ALYREF: variants seen among roughly 807,000 people sequenced by gnomAD.
The protein encoded by ALYREF is Aly/REF export factor, also known as THO complex subunit 4.
ALYREF carries 1 observed loss-of-function variant against 25.2 expected under a neutral mutation model. The ratio of observed to expected loss-of-function variants is 0.04; its 90% CI spans 0.01 to 0.19. The LOEUF (loss-of-function observed/expected upper bound fraction) is 0.19. Among genes scored for constraint, ALYREF ranks in the 10% least tolerant of loss-of-function variants. The probability of loss-of-function intolerance (pLI) is 1.00; values close to 1 mark genes in which losing one functional copy is unlikely to be tolerated. For synonymous variants in ALYREF, 193 were observed against 153.5 expected (o/e 1.26, Z -1.90); for missense variants, 328 against 375.6 (o/e 0.87, Z 1.05).
Position 81,891,535 on chromosome 17 carries a change from G to A in ALYREF, c.46C>T (p.Leu16=), listed in dbSNP as rs1419634192. The A allele has an allele frequency of 1.1e-5, 16 of 1,435,270 alleles. No homozygotes were observed. The Admixed American group carries it at 3.7e-4, about 33-fold the overall frequency. 88.9% of individuals were successfully genotyped at this position (1,435,270 alleles called of 1,614,324 possible). A position where few individuals can be genotyped will look rare whatever the true frequency, so the allele number is the denominator to read the frequency against. Residue 16 remains leucine (L), a synonymous_variant, in exon 1 of 6, where the codon CTG becomes TTG. Transcript: ENST00000505490. ...CGGTTCAGTTTAATGATGTCGTCCA[G>A]AGACATGTCCATTTTGTCGGCCATG... is the stretch of plus-strand genomic sequence containing the variant. ...PAMADKMDMS[L]DDIIKLNRSQ... is the part of the protein sequence containing the mutation.
intron 2 of ALYREF, 32 bp from the exon 3 acceptor site, chr17:81,889,361 G>T: frequency 6.2e-7 from 1 of 1,607,478 alleles, no homozygotes; most frequent in Non-Finnish European, 8.5e-7. Context: ...TGTCAGAAAA[G>T]CAACAAAACT....
chr17:81,889,408 G>A (rs2039472688), intron 2 of ALYREF, 79 bp from the exon 3 acceptor site: 1 of 1,532,240 alleles, frequency 6.5e-7, no homozygotes. Context: ...GGCCCTGGAA[G>A]CGTGAGTTGC....
Position 81,888,083 on chromosome 17 carries a change from A to T in ALYREF, c.*48T>A, listed in dbSNP as rs749034093. On this transcript the variant is annotated 3_prime_UTR_variant, in exon 6 of 6. Transcript: ENST00000505490. The surrounding 1 kb of genome is among the most constrained non-coding windows in gnomAD (Gnocchi z 5.8). Reference sequence around the variant, plus strand: ...AGCCACCGCCCCCCAACCAGGGAGCAAGAGGAGACGCCTGGGTCCTGTTCC... The same window carrying T: ...AGCCACCGCCCCCCAACCAGGGAGCTAGAGGAGACGCCTGGGTCCTGTTCC... The T allele has an allele frequency of 8.1e-6, 13 of 1,613,074 alleles. No individual in the cohort carries two copies. The highest frequency in any genetic ancestry group is 1.8e-4 in the Middle Eastern group (1 of 5,474).
rs376514143 is a variant in ALYREF at position 81,888,610 on chromosome 17, G to C, written c.539-27C>G. On this transcript the variant is annotated intron_variant, in intron 3 of 5. Transcript: ENST00000505490. The surrounding 1 kb of genome is among the most constrained non-coding windows in gnomAD (Gnocchi z 5.8). ...TGCGGCAAAGAATACGAGAAGGCAC[G>C]TTCTATTGAGAGGCTCTGAAACCCA... 1.9e-6 allele frequency: 3 copies of C among 1,573,884 alleles called. No homozygotes were observed. The highest frequency in any genetic ancestry group is 1.9e-5 in the Admixed American group (1 of 53,546).
At position 81,888,730 on chromosome 17, in the gene ALYREF, C is replaced by A. The variant is rs1453914189; in HGVS notation, c.539-147G>T. 24 of 1,469,452 alleles carry A rather than the reference C, an allele frequency of 1.6e-5. 1 individual carries two copies. The Admixed American group carries it at 5.6e-4, about 34-fold the overall frequency. 91.0% of individuals were successfully genotyped at this position (1,469,452 alleles called of 1,614,324 possible). On this transcript the variant is annotated intron_variant, in intron 3 of 5. Coordinates refer to ENST00000505490, the MANE Select transcript of ALYREF (RefSeq NM_005782.4). The surrounding 1 kb of genome is among the most constrained non-coding windows in gnomAD (Gnocchi z 5.8). ...CGACAAGGGAAATGGCCTGGAGATA[C>A]TGGTGGGAGAACAAAATGGCAAGGA...
chr17:81,890,205 C>T (rs1320360142), intron 2 of ALYREF, among the ~76,000 whole-genome samples: 1 of 152,112 alleles, frequency 6.6e-6, no homozygotes, highest in Non-Finnish European at 1.5e-5. Flanking sequence ...ACTGACGGGA[C>T]ACGGCGGTGG....
chr17:81,888,193 C>G lies in ALYREF; in HGVS notation c.780+48G>C. On this transcript the variant is annotated intron_variant, in intron 5 of 5. Transcript: ENST00000505490. This position sits in a 1 kb window ranked among gnomAD's most constrained non-coding sequence, Gnocchi z 5.8. ...GCTTGCATTCACAGGCGGCCTGCTC[C>G]CCACTGCGGCTTTGACCAGGCCCCC... is the stretch of plus-strand genomic sequence containing the variant. 3 of 1,614,080 alleles carry G rather than the reference C, an allele frequency of 1.9e-6. No individual in the cohort carries two copies. The South Asian group carries it at 3.3e-5, about 18-fold the overall frequency.
In ALYREF at chr17:81,888,839, G is replaced by A. The variant is rs2039465520; in HGVS notation, c.539-256C>T. The stretch of plus-strand genomic sequence containing the variant: ...TGAGGTATCGGGGTGCTCGTGGGTG[G>A]AGAGGTGTGGGTGACCTGACGAAGA... On this transcript the variant is annotated intron_variant, in intron 3 of 5. Coordinates refer to ENST00000505490, the MANE Select transcript of ALYREF (RefSeq NM_005782.4). This position sits in a 1 kb window ranked among gnomAD's most constrained non-coding sequence, Gnocchi z 5.8. 7.1e-7 allele frequency: 1 copy of A among 1,417,952 alleles called. No individual in the cohort carries two copies. Among genetic ancestry groups the A allele is most frequent in the Non-Finnish European group, 9.2e-7 (1 of 1,088,714 alleles). 87.8% of individuals were successfully genotyped at this position (1,417,952 alleles called of 1,614,324 possible).
chr17:81,891,004 G>A (rs2039512816), intron 1 of ALYREF, 184 bp from the exon 2 acceptor site: 5 of 904,144 alleles, frequency 5.5e-6, no homozygotes, highest in East Asian at 2.7e-5. Flanking sequence ...CACCGCGGCC[G>A]CACAACTTCA....
At chr17:81,889,375 T>A (rs754317030) in intron 2 of ALYREF, 46 bp from the exon 3 acceptor site, 1 of 1,603,358 alleles carries the variant, frequency 6.2e-7, no homozygotes, top group Non-Finnish European at 8.5e-7. Context: ...CAAAACTGCG[T>A]TCCTTCTGGT....
chr17:81,890,627 C>A (rs2039502666), intron 2 of ALYREF, 62 bp downstream of exon 2: 3 of 1,588,530 alleles, frequency 1.9e-6, no homozygotes, highest in South Asian at 2.2e-5. Context: ...GGGCCACATC[C>A]CCAAAATCAC....
At chr17:81,890,241 G>T (rs1181889355) in intron 2 of ALYREF, among the ~76,000 whole-genome samples, 1 of 152,058 alleles carries the variant, frequency 6.6e-6, no homozygotes, top group Non-Finnish European at 1.5e-5. Flanking sequence ...CAGCGTACAA[G>T]GTCTTTATAA....
At position 81,888,915 on chromosome 17, in the gene ALYREF, C is replaced by T; in HGVS notation, c.538+267G>A. On this transcript the variant is annotated intron_variant, in intron 3 of 5. Transcript: ENST00000505490. This position sits in a 1 kb window ranked among gnomAD's most constrained non-coding sequence, Gnocchi z 5.8. ...CTACAGCCCCGCACTCAGAGGTGTA[C>T]TATGGCGGTTCTGAGAAGGCTTCAC... is the stretch of plus-strand genomic sequence containing the variant. The T allele has an allele frequency of 7.1e-7, 1 of 1,412,928 alleles. No homozygotes were observed. The highest frequency in any genetic ancestry group is 1.6e-5 in the South Asian group (1 of 64,416). The allele number at this position is 1,412,928 out of a possible 1,614,324, so 87.5% of individuals were successfully genotyped here. A position where few individuals can be genotyped will look rare whatever the true frequency, so the allele number is the denominator to read the frequency against.
chr17:81,888,127 C>T lies in ALYREF; in HGVS notation c.*4G>A, dbSNP rs550241378. On this transcript the variant is annotated 3_prime_UTR_variant, in exon 6 of 6. Transcript: ENST00000505490. The surrounding 1 kb of genome is among the most constrained non-coding windows in gnomAD (Gnocchi z 5.8). Reference sequence around the variant, plus strand: ...CTGTTCCGCACGCGGATTTGCTGGTCTGTTTAACTGGTGTCCATCTGAAAC... The same window carrying T: ...CTGTTCCGCACGCGGATTTGCTGGTTTGTTTAACTGGTGTCCATCTGAAAC... 33 of 1,613,906 alleles carry T rather than the reference C, an allele frequency of 2.0e-5. No homozygotes were observed. Among genetic ancestry groups the T allele is most frequent in the Middle Eastern group, 1.7e-4 (1 of 6,050 alleles).
chr17:81,890,305 G>A lies in ALYREF; in HGVS notation c.390+384C>T, dbSNP rs552897804. ...AAAACAGACTCCCTGTGCTTCACAA[G>A]ATACATAAAGAAGATTCTTTTTCTC... On this transcript the variant is annotated intron_variant, in intron 2 of 5. Transcript: ENST00000505490. 3.9e-5 allele frequency among the ~76,000 whole-genome samples: 6 copies of A among 152,242 alleles called. No homozygotes were observed. The South Asian group carries it at 1.2e-3, about 32-fold the overall frequency.
At position 81,888,057 on chromosome 17, in the gene ALYREF, C is replaced by T. The variant is rs1359479928; in HGVS notation, c.*74G>A. 7.5e-6 allele frequency: 12 copies of T among 1,599,478 alleles called. No homozygotes were observed. The highest frequency in any genetic ancestry group is 1.0e-5 in the Non-Finnish European group (12 of 1,168,846). On this transcript the variant is annotated 3_prime_UTR_variant, in exon 6 of 6. Coordinates refer to ENST00000505490, the MANE Select transcript of ALYREF (RefSeq NM_005782.4). This position sits in a 1 kb window ranked among gnomAD's most constrained non-coding sequence, Gnocchi z 5.8. The stretch of plus-strand genomic sequence containing the variant: ...AAATCCATCATTGGCCGCACAGCCC[C>T]AGCCACCGCCCCCCAACCAGGGAGC...
In ALYREF at chr17:81,890,834, C is replaced by A. The variant is rs375325115; in HGVS notation, c.259-14G>T. On this transcript the variant is annotated splice_polypyrimidine_tract_variant and intron_variant, in intron 1 of 5. Coordinates refer to ENST00000505490, the MANE Select transcript of ALYREF (RefSeq NM_005782.4). Reference sequence around the variant, plus strand: ...AAGTTGTTTTGGCTGAAAAAAAAACCGCAACAAGAGCAGATCTGTGAGTCT... The same window carrying A: ...AAGTTGTTTTGGCTGAAAAAAAAACAGCAACAAGAGCAGATCTGTGAGTCT... The A allele has an allele frequency of 3.7e-6, 6 of 1,614,084 alleles. No homozygotes were observed. The highest frequency in any genetic ancestry group is 1.7e-5 in the Admixed American group (1 of 60,026).
chr17:81,888,985 G>T lies in ALYREF; in HGVS notation c.538+197C>A. On this transcript the variant is annotated intron_variant, in intron 3 of 5. Coordinates refer to ENST00000505490, the MANE Select transcript of ALYREF (RefSeq NM_005782.4). This position sits in a 1 kb window ranked among gnomAD's most constrained non-coding sequence, Gnocchi z 5.8. ...GGAGCTGAAGGAGGGGAGGGATGTA[G>T]CTTGCTGGATGGGGGTTCACAAGAG... 1 of 1,427,170 alleles carries T rather than the reference G, an allele frequency of 7.0e-7. No individual in the cohort carries two copies. The highest frequency in any genetic ancestry group is 1.4e-5 in the African/African-American group (1 of 69,694). The allele number at this position is 1,427,170 out of a possible 1,614,324, so 88.4% of individuals were successfully genotyped here.
rs183694273 is a variant in ALYREF at position 81,889,160 on chromosome 17, G to A, written c.538+22C>T. 1.4e-4 allele frequency: 220 copies of A among 1,611,478 alleles called. No individual in the cohort carries two copies. In the East Asian group the frequency reaches 4.3e-3, roughly 31 times the overall value. On this transcript the variant is annotated intron_variant, in intron 3 of 5. Transcript: ENST00000505490. ...AAACTCCACAAGCCCCACAGTCAGCGTGGGTCCACCCCCAGACTCACCATC... is the reference window on the plus strand; with the variant it reads ...AAACTCCACAAGCCCCACAGTCAGCATGGGTCCACCCCCAGACTCACCATC...
Sources: allele counts gnomAD v4.1 joint callset (sites outside exome capture counted in the v4.1 genomes callset), GRCh38; gene constraint gnomAD v4.1.1; non-coding constraint Gnocchi (gnomAD v3.1); transcripts MANE v1.5; gene names NCBI Gene and HGNC (gene_info 2026-07-23, HGNC 2026-07-21).